Variants in GLMN observed in about 807,000 individuals in gnomAD.
GLMN encodes glomulin, FKBP associated protein, also known as glomulin.
GLMN carries 75 observed loss-of-function variants against 87.8 expected under a neutral mutation model. The ratio of observed to expected loss-of-function variants is 0.85; its 90% CI spans 0.71 to 1.04. The LOEUF (loss-of-function observed/expected upper bound fraction) is 1.04, where lower values mean the gene tolerates loss of function less well. Among genes scored for constraint, GLMN ranks in the 50% least tolerant of loss-of-function variants. GLMN has a pLI of 0.00. For missense variants in GLMN, 588 were observed against 658.8 expected (o/e 0.89, Z 1.18); for synonymous variants, 206 against 221.6 (o/e 0.93, Z 0.63).
chr1:92,346,286 C>G, the GLMN span, among the ~76,000 whole-genome samples: 1 of 151,974 alleles, frequency 6.6e-6, no homozygotes, highest in Admixed American at 6.5e-5. Flanking sequence ...ACCTCAGCCT[C>G]TCTAGTGGCT....
chr1:92,360,129 T>C, the GLMN span, among the ~76,000 whole-genome samples: 7 of 152,244 alleles, frequency 4.6e-5, no homozygotes, highest in African/African-American at 1.7e-4. Context: ...TGCACTGCAG[T>C]GTGCCTCAGA....
intron 7 of GLMN, among the ~76,000 whole-genome samples, chr1:92,274,699 C>A (rs530987059): frequency 9.5e-4 from 144 of 152,244 alleles, no homozygotes; most frequent in African/African-American, 3.2e-3. Context: ...AGTTCTAATC[C>A]ATTTCAGTAC....
At chr1:92,355,243 A>C in the GLMN span, among the ~76,000 whole-genome samples, 1 of 152,154 alleles carries the variant, frequency 6.6e-6, no homozygotes, top group Non-Finnish European at 1.5e-5. Flanking sequence ...TTGAAACCCT[A>C]AACTCAGTCT....
At chr1:92,302,590 ATTTT>A (rs36067595), upstream of GLMN, among the ~76,000 whole-genome samples, 7 of 74,338 alleles carry the variant, frequency 9.4e-5, no homozygotes, top group Admixed American at 2.3e-4. Context: ...TCCGCATTAA[ATTTT>A]TTTTTTTTTT....
At chr1:92,314,351 G>GTT in the GLMN span, among the ~76,000 whole-genome samples, 617 of 136,754 alleles carry the variant, frequency 4.5e-3, 8 homozygotes, top group African/African-American at 0.014. Context: ...TGGTTTTTGG[G>GTT]TTTTTTTTTT....
chr1:92,256,193 C>T (rs1654214739), intron 16 of GLMN, among the ~76,000 whole-genome samples: 3 of 151,968 alleles, frequency 2.0e-5, no homozygotes, highest in Admixed American at 2.0e-4. Flanking sequence ...CCTCCCAAGA[C>T]TAAACCAGGA....
chr1:92,247,130 T>G lies in GLMN; in HGVS notation c.1600A>C (p.Lys534Gln). 1 of 1,541,228 alleles carries G rather than the reference T, an allele frequency of 6.5e-7. No individual in the cohort carries two copies. Among genetic ancestry groups the G allele is most frequent in the Non-Finnish European group, 9.0e-7 (1 of 1,114,848 alleles). ...CTTACAGTTATAGAACAAAGATCTTTAGATTTCTGGGCCTCTGTAAGAGAA... is the reference window on the plus strand; with the variant it reads ...CTTACAGTTATAGAACAAAGATCTTGAGATTTCTGGGCCTCTGTAAGAGAA... ...IKNSQEAQKSKDLCSITVSGE... is the reference protein window; with the variant it reads ...IKNSQEAQKSQDLCSITVSGE... The change falls in exon 18 of 19, where the codon AAA becomes CAA. Residue 534 changes from lysine (K) to glutamine (Q), a missense_variant. Physicochemically the swap from Lys to Gln is moderately conservative, Grantham distance 53. Transcript: ENST00000370360.
intron 7 of GLMN, among the ~76,000 whole-genome samples, chr1:92,272,828 A>C (rs915877264): frequency 4.0e-4 from 61 of 152,314 alleles, no homozygotes; most frequent in African/African-American, 1.4e-3. Context: ...ACTGGTACTA[A>C]TTCTAGCGTA....
chr1:92,345,889 T>C, the GLMN span: 1 of 1,605,928 alleles, frequency 6.2e-7, no homozygotes, highest in Non-Finnish European at 8.5e-7. Context: ...GGAATGGACT[T>C]TAATTGCTAT....
chr1:92,272,309 G>A (rs1403741775), intron 7 of GLMN, among the ~76,000 whole-genome samples: 1 of 152,134 alleles, frequency 6.6e-6, no homozygotes, highest in Non-Finnish European at 1.5e-5. Context: ...GAAACTGTGA[G>A]ATAACAAAGG....
the GLMN span, chr1:92,307,036 A>G: frequency 3.4e-6 from 2 of 587,244 alleles, no homozygotes; most frequent in Admixed American, 3.4e-5. Context: ...AGAGGCCTTC[A>G]AAGGTTCAGT....
intron 6 of GLMN, among the ~76,000 whole-genome samples, chr1:92,287,246 G>A (rs182444028): frequency 1.3e-5 from 2 of 152,140 alleles, no homozygotes; most frequent in African/African-American, 4.8e-5. Flanking sequence ...AGCTCTATTT[G>A]TTTTATTTAG....
intron 16 of GLMN, among the ~76,000 whole-genome samples, chr1:92,259,920 A>G (rs1654805816): frequency 6.6e-6 from 1 of 151,734 alleles, no homozygotes; most frequent in Non-Finnish European, 1.5e-5. Flanking sequence ...TATTTTTAGT[A>G]GAGACGGGGT....
chr1:92,250,017 A>G (rs4658297), intron 16 of GLMN, among the ~76,000 whole-genome samples: 39,365 of 148,302 alleles, frequency 0.27, 6,457 homozygotes, highest in Non-Finnish European at 0.36. Flanking sequence ...TTTTCTTTTT[A>G]CTTTGCATTC....
At chr1:92,303,879 A>T, upstream of GLMN, 1 of 722,506 alleles carries the variant, frequency 1.4e-6, no homozygotes, top group Non-Finnish European at 2.2e-6. Context: ...TACTATTGCT[A>T]TCCCTGTGTT....
chr1:92,298,092 G>T (rs1650349321), intron 1 of GLMN, 63 bp from the exon 2 acceptor site: 3 of 764,918 alleles, frequency 3.9e-6, no homozygotes, highest in Non-Finnish European at 7.0e-6. Context: ...CAAAAGTTAT[G>T]TTTCAGTGTG....
upstream of GLMN, chr1:92,300,348 A>G (rs143294814): frequency 3.0e-5 from 25 of 821,116 alleles, 1 homozygote; most frequent in African/African-American, 3.8e-4. Flanking sequence ...GAAAATTATC[A>G]TGAGAGGGAA....
the GLMN span, among the ~76,000 whole-genome samples, chr1:92,345,419 GA>G: frequency 9.0e-6 from 1 of 111,346 alleles, no homozygotes; most frequent in African/African-American, 3.2e-5. Context: ...AGAGAAGAAA[GA>G]AAGAGAGGAA....
In GLMN at chr1:92,290,181, A is replaced by G. The variant is rs372985304; in HGVS notation, c.394+17T>C. 1.7e-5 allele frequency: 23 copies of G among 1,362,392 alleles called. No homozygotes were observed. The African/African-American group carries it at 2.8e-4, about 17-fold the overall frequency. The allele number at this position is 1,362,392 out of a possible 1,614,324, so 84.4% of individuals were successfully genotyped here. On this transcript the variant is annotated intron_variant, in intron 5 of 18. Transcript: ENST00000370360. The stretch of plus-strand genomic sequence containing the variant: ...GAGATACAACAAGAAGTACTCTGAT[A>G]TCAAAATTCTCATTACCTGTTTGTA...
Sources: allele counts gnomAD v4.1 joint callset (sites outside exome capture counted in the v4.1 genomes callset), GRCh38; gene constraint gnomAD v4.1.1; transcripts MANE v1.5; gene names NCBI Gene and HGNC (gene_info 2026-07-23, HGNC 2026-07-21).